The following ZNF423 variants were observed in gnomAD, a reference collection of about 807,000 sequenced individuals.
The protein encoded by ZNF423 is Ebf-associated zinc finger protein.
A neutral mutation model predicts 95.8 loss-of-function variants in ZNF423; 12 were observed. That is an observed-to-expected ratio of 0.13 (90% CI 0.08 to 0.20). ZNF423 has a LOEUF of 0.20. ZNF423 is among the 10% of genes least tolerant of loss of function. The probability of loss-of-function intolerance (pLI) is 1.00; values close to 1 mark genes in which losing one functional copy is unlikely to be tolerated. For synonymous variants in ZNF423, 749 were observed against 711.9 expected (o/e 1.05, Z -0.83); for missense variants, 1,316 against 1,737.1 (o/e 0.76, Z 4.31).
chr16:49,682,636 G>A (rs2031410948), intron 3 of ZNF423, among the ~76,000 whole-genome samples: 1 of 152,204 alleles, frequency 6.6e-6, no homozygotes, highest in African/African-American at 2.4e-5. Flanking sequence ...GAGAGGAGAG[G>A]TTGGTGGGGA....
chr16:49,550,307 T>C (rs542540904), intron 5 of ZNF423, among the ~76,000 whole-genome samples: 26 of 152,376 alleles, frequency 1.7e-4, no homozygotes, highest in African/African-American at 6.3e-4. Context: ...GACATTACCC[T>C]TCCCTTTTCC....
At chr16:49,823,736 T>TAC (rs2034973779) in intron 1 of ZNF423, among the ~76,000 whole-genome samples, 2 of 151,586 alleles carry the variant, frequency 1.3e-5, no homozygotes, top group South Asian at 2.1e-4. Flanking sequence ...GGAGGGAAAA[T>TAC]ACACACACAC....
chr16:49,832,037 G>T (rs1465459973), intron 1 of ZNF423, among the ~76,000 whole-genome samples: 1 of 150,912 alleles, frequency 6.6e-6, no homozygotes, highest in Non-Finnish European at 1.5e-5. Context: ...TGCTTTCTTT[G>T]TTGCTTCTGA....
At chr16:49,722,277 A>G (rs953974070) in intron 3 of ZNF423, among the ~76,000 whole-genome samples, 1 of 152,182 alleles carries the variant, frequency 6.6e-6, no homozygotes, top group Non-Finnish European at 1.5e-5. Context: ...CTGCCCATCC[A>G]CTTCCCTCCC....
chr16:49,815,936 T>TTTTTTA (rs2034848800), intron 1 of ZNF423, among the ~76,000 whole-genome samples: 1 of 100,764 alleles, frequency 9.9e-6, no homozygotes, highest in Non-Finnish European at 1.9e-5. Context: ...TTTTTTTTTT[T>TTTTTTA]GAGACAAAGT....
chr16:49,519,642 T>C (rs1968305285), intron 7 of ZNF423, among the ~76,000 whole-genome samples: 1 of 152,344 alleles, frequency 6.6e-6, no homozygotes, highest in East Asian at 1.9e-4. Flanking sequence ...CTTTATTCGA[T>C]ATGTGATTTG....
intron 2 of ZNF423, among the ~76,000 whole-genome samples, chr16:49,740,473 A>G (rs2033391986): frequency 1.3e-5 from 2 of 152,214 alleles, no homozygotes; most frequent in African/African-American, 4.8e-5. Context: ...GCCATTATTT[A>G]TCTTCAGGTT....
At chr16:49,822,169 AG>A (rs2144027426) in intron 1 of ZNF423, among the ~76,000 whole-genome samples, 1 of 130,172 alleles carries the variant, frequency 7.7e-6, no homozygotes, top group South Asian at 2.5e-4. Context: ...TCACCCCCGC[AG>A]GAATTTTTTT....
At chr16:49,628,565 C>CCA (rs1972390198) in intron 4 of ZNF423, among the ~76,000 whole-genome samples, 5 of 152,262 alleles carry the variant, frequency 3.3e-5, no homozygotes, top group East Asian at 3.9e-4. Context: ...ATCCATCCAT[C>CCA]TATCTATCTA....
At chr16:49,794,495 GC>G (rs2034468579) in intron 1 of ZNF423, among the ~76,000 whole-genome samples, 1 of 152,144 alleles carries the variant, frequency 6.6e-6, no homozygotes, top group African/African-American at 2.4e-5. Flanking sequence ...CAGCCATACG[GC>G]CCCCCACACA....
At chr16:49,669,407 G>T (rs2030703597) in intron 3 of ZNF423, among the ~76,000 whole-genome samples, 13 of 152,116 alleles carry the variant, frequency 8.5e-5, no homozygotes. Flanking sequence ...GACCCTAGAG[G>T]CCCAGGCCAC....
intron 5 of ZNF423, among the ~76,000 whole-genome samples, chr16:49,617,935 C>T (rs536296895): frequency 6.6e-6 from 1 of 152,228 alleles, no homozygotes; most frequent in Admixed American, 6.5e-5. Context: ...CCTTCAGCAC[C>T]AACCACCCTA....
chr16:49,493,401 C>T (rs921774335), intron 7 of ZNF423, among the ~76,000 whole-genome samples: 3 of 152,156 alleles, frequency 2.0e-5, no homozygotes, highest in South Asian at 2.1e-4. Flanking sequence ...CACAGGGTGG[C>T]GGCACCTCCT....
intron 5 of ZNF423, among the ~76,000 whole-genome samples, chr16:49,541,279 A>G (rs1043225176): frequency 6.6e-6 from 1 of 152,258 alleles, no homozygotes; most frequent in Non-Finnish European, 1.5e-5. Flanking sequence ...AACAACATTT[A>G]GTCTCTGTCC....
At chr16:49,614,153 A>T (rs892771876) in intron 5 of ZNF423, among the ~76,000 whole-genome samples, 1 of 152,246 alleles carries the variant, frequency 6.6e-6, no homozygotes, top group Non-Finnish European at 1.5e-5. Context: ...ATGAAGGAAC[A>T]TTTCATCAAA....
At chr16:49,716,909 G>A (rs2032725669) in intron 3 of ZNF423, among the ~76,000 whole-genome samples, 1 of 152,132 alleles carries the variant, frequency 6.6e-6, no homozygotes, top group Non-Finnish European at 1.5e-5. Context: ...TTTTGTTTGG[G>A]GATGTTCTTT....
At chr16:49,822,173 ATTT>A (rs34004656) in intron 1 of ZNF423, among the ~76,000 whole-genome samples, 2 of 143,062 alleles carry the variant, frequency 1.4e-5, no homozygotes, top group Middle Eastern at 3.2e-3. Flanking sequence ...CCCCGCAGGA[ATTT>A]TTTTTTTTTT....
intron 5 of ZNF423, among the ~76,000 whole-genome samples, chr16:49,622,405 GC>G (rs917393722): frequency 5.0e-5 from 7 of 140,188 alleles, no homozygotes; most frequent in Non-Finnish European, 9.2e-5. Context: ...AGCACCTACA[GC>G]CCCCCAGACT....
intron 3 of ZNF423, among the ~76,000 whole-genome samples, chr16:49,710,285 A>G (rs560868826): frequency 2.4e-4 from 36 of 152,264 alleles, no homozygotes; most frequent in African/African-American, 8.7e-4. Context: ...CACACTTCCC[A>G]GGTCCTCCCT....
Sources: gnomAD v4.1 joint callset for allele counts (sites outside exome capture counted in the v4.1 genomes callset) on GRCh38, gnomAD v4.1.1 for gene constraint, MANE v1.5 for transcripts, NCBI Gene and HGNC (gene_info 2026-07-23, HGNC 2026-07-21) for gene names.